Variants in SLIT3 observed in about 807,000 individuals in gnomAD.
The protein encoded by SLIT3 is slit guidance ligand 3.
Under a neutral mutation model 184.0 loss-of-function variants are expected in SLIT3, and 68 were observed. That is an observed-to-expected ratio of 0.37 (90% CI 0.30 to 0.45). The LOEUF (loss-of-function observed/expected upper bound fraction) is 0.45. Ranked by LOEUF, SLIT3 falls within the 20% of genes least tolerant of loss-of-function variation. The pLI is 1.00. For synonymous variants in SLIT3, 831 were observed against 828.6 expected, an observed-to-expected ratio of 1.00 and a Z score of -0.05; for missense variants, 1,707 against 2,026.0, an observed-to-expected ratio of 0.84 and a Z score of 3.02.
At chr5:169,217,529 C>G (rs951109301) in intron 3 of SLIT3, among the ~76,000 whole-genome samples, 2 of 152,158 alleles carry the variant, frequency 1.3e-5, no homozygotes, top group Non-Finnish European at 2.9e-5. Flanking sequence ...CACAAACACT[C>G]TACAGGTCTA....
intron 3 of SLIT3, among the ~76,000 whole-genome samples, chr5:169,217,095 G>A (rs915707005): frequency 4.7e-5 from 7 of 148,460 alleles, no homozygotes; most frequent in African/African-American, 1.8e-4. Flanking sequence ...TTCATTTTTC[G>A]GTGACAACTC....
At chr5:168,701,513 G>A (rs939375416) in intron 26 of SLIT3, among the ~76,000 whole-genome samples, 2 of 152,186 alleles carry the variant, frequency 1.3e-5, no homozygotes, top group African/African-American at 4.8e-5. Flanking sequence ...TGTGGAAGGT[G>A]GGGAGAGGAG....
intron 4 of SLIT3, among the ~76,000 whole-genome samples, chr5:169,139,953 C>T (rs1334753319): frequency 6.6e-6 from 1 of 152,208 alleles, no homozygotes; most frequent in East Asian, 1.9e-4. Flanking sequence ...GTAAGTGCAG[C>T]TAACATGCCT....
At chr5:168,715,744 C>T (rs892312237) in intron 23 of SLIT3, among the ~76,000 whole-genome samples, 3 of 152,192 alleles carry the variant, frequency 2.0e-5, no homozygotes, top group Non-Finnish European at 2.9e-5. Flanking sequence ...ACGATCTTGG[C>T]CCACTGCAAC....
chr5:168,954,112 G>A (rs1166696842), intron 4 of SLIT3, among the ~76,000 whole-genome samples: 7 of 152,176 alleles, frequency 4.6e-5, no homozygotes, highest in East Asian at 3.9e-4. Flanking sequence ...ATCAAGCGTC[G>A]GGAGGAAGGA....
At chr5:169,058,303 C>T (rs768666632) in intron 4 of SLIT3, among the ~76,000 whole-genome samples, 5 of 152,340 alleles carry the variant, frequency 3.3e-5, no homozygotes, top group Middle Eastern at 3.4e-3. Context: ...TCTTTGTCCA[C>T]CTGCTTGCTT....
At chr5:168,678,923 C>T (rs1029034262) in intron 32 of SLIT3, among the ~76,000 whole-genome samples, 2 of 152,158 alleles carry the variant, frequency 1.3e-5, no homozygotes, top group Admixed American at 1.3e-4. Flanking sequence ...TCCTCATTAT[C>T]TACTGGGCCA....
At chr5:169,102,545 G>A in intron 4 of SLIT3, among the ~76,000 whole-genome samples, 1 of 152,194 alleles carries the variant, frequency 6.6e-6, no homozygotes, top group Middle Eastern at 3.4e-3. Flanking sequence ...TTTATTAGAT[G>A]TATTTTAAAA....
chr5:168,668,679 G>A (rs192689265), intron 35 of SLIT3, among the ~76,000 whole-genome samples: 1 of 152,290 alleles, frequency 6.6e-6, no homozygotes, highest in East Asian at 1.9e-4. Flanking sequence ...AAGCTCCTGA[G>A]CTCATGCAAT....
At position 168,774,326 on chromosome 5, in the gene SLIT3, G is replaced by C. The variant is rs1299300124; in HGVS notation, c.1204C>G (p.Leu402Val). The C allele has an allele frequency of 6.2e-7, 1 of 1,613,976 alleles. No individual in the cohort carries two copies. Among genetic ancestry groups the C allele is most frequent in the Non-Finnish European group, 8.5e-7 (1 of 1,179,990 alleles). ...AGGGAGAGCAAGTTGAGGTTCTGCA[G>C]GTCCTGAAACGTGTTCACCCGCAGG... is the stretch of plus-strand genomic sequence containing the variant. ...NCLRVNTFQDLQNLNLLSLYD... is the reference protein window; with the variant it reads ...NCLRVNTFQDVQNLNLLSLYD... The change falls in exon 13 of 36, where the codon CTG (leucine) becomes GTG (valine). Residue 402 changes from leucine to valine, a missense_variant. Leu to Val is a conservative substitution (Grantham distance 32, BLOSUM62 1). This residue lies in a region of SLIT3 where 1,307 missense variants were observed against 1,511.6 expected (regional missense o/e 0.86). Transcript: ENST00000519560.
intron 20 of SLIT3, among the ~76,000 whole-genome samples, chr5:168,741,268 A>G (rs955745384): frequency 6.6e-6 from 1 of 152,114 alleles, no homozygotes; most frequent in Non-Finnish European, 1.5e-5. Flanking sequence ...CAGGAGATTG[A>G]GACCATCCTG....
chr5:169,027,553 A>G (rs1756873107), intron 4 of SLIT3, among the ~76,000 whole-genome samples: 1 of 152,066 alleles, frequency 6.6e-6, no homozygotes, highest in Admixed American at 6.6e-5. Flanking sequence ...GACTTGCTCC[A>G]CTCCAATCAA....
intron 4 of SLIT3, among the ~76,000 whole-genome samples, chr5:169,027,770 A>G (rs1025354249): frequency 1.3e-5 from 2 of 152,184 alleles, no homozygotes; most frequent in Non-Finnish European, 2.9e-5. Context: ...AGACCTTTCA[A>G]TAGAGCCAGA....
At chr5:169,026,403 T>C (rs1470028781) in intron 4 of SLIT3, 3 of 152,184 alleles carry the variant, frequency 2.0e-5, no homozygotes, top group Non-Finnish European at 4.4e-5. Context: ...AATTTGTAAG[T>C]TCAGGAATGT....
intron 23 of SLIT3, among the ~76,000 whole-genome samples, chr5:168,715,823 C>A (rs963315876): frequency 6.6e-6 from 1 of 151,824 alleles, no homozygotes; most frequent in Admixed American, 6.6e-5. Context: ...CAGATGTGCA[C>A]CACCAGGCCT....
chr5:169,134,813 C>T, intron 4 of SLIT3, among the ~76,000 whole-genome samples: 1 of 152,206 alleles, frequency 6.6e-6, no homozygotes, highest in East Asian at 1.9e-4. Flanking sequence ...GAGCTCTTGG[C>T]TAGGCCCCTC....
intron 4 of SLIT3, among the ~76,000 whole-genome samples, chr5:169,143,794 C>CG (rs773610565): frequency 3.3e-5 from 5 of 150,238 alleles, no homozygotes; most frequent in Non-Finnish European, 7.4e-5. Flanking sequence ...AGCCAGAAAA[C>CG]GAAAAAAAAC....
intron 4 of SLIT3, among the ~76,000 whole-genome samples, chr5:168,915,428 G>A (rs1056506277): frequency 1.6e-4 from 24 of 152,080 alleles, no homozygotes; most frequent in Non-Finnish European, 4.4e-5. Context: ...AACCAATCGA[G>A]AGGTTCCTCG....
At chr5:168,740,516 C>T (rs970248046) in intron 20 of SLIT3, among the ~76,000 whole-genome samples, 4 of 152,180 alleles carry the variant, frequency 2.6e-5, no homozygotes, top group African/African-American at 4.8e-5. Flanking sequence ...CCCAAGGGAG[C>T]TGAAAAGCTT....
Sources: gnomAD v4.1 joint callset for allele counts (sites outside exome capture counted in the v4.1 genomes callset) on GRCh38, gnomAD v4.1.1 for gene constraint, gnomAD v4.1.1 regional missense constraint, MANE v1.5 for transcripts, NCBI Gene and HGNC (gene_info 2026-07-23, HGNC 2026-07-21) for gene names.